GALNTL6: variants seen among roughly 807,000 people sequenced by gnomAD.
GALNTL6 encodes the protein polypeptide N-acetylgalactosaminyltransferase like 6.
A neutral mutation model predicts 73.7 loss-of-function variants in GALNTL6; 46 were observed. That is an observed-to-expected ratio of 0.62 (90% CI 0.49 to 0.80). GALNTL6 has a LOEUF of 0.80. Among genes scored for constraint, GALNTL6 ranks in the 30% least tolerant of loss-of-function variants. The pLI is 0.00. For synonymous variants in GALNTL6, 259 were observed against 263.7 expected, an observed-to-expected ratio of 0.98 and a Z score of 0.17; for missense variants, 604 against 755.0, an observed-to-expected ratio of 0.80 and a Z score of 2.34.
chr4:172,775,640 T>C (rs992589544), intron 5 of GALNTL6, among the ~76,000 whole-genome samples: 2 of 152,194 alleles, frequency 1.3e-5, no homozygotes, highest in Non-Finnish European at 2.9e-5. Flanking sequence ...AACCATAGGA[T>C]GACTCCCCAA....
intron 5 of GALNTL6, among the ~76,000 whole-genome samples, chr4:172,549,757 T>G (rs1735890698): frequency 6.6e-6 from 1 of 152,198 alleles, no homozygotes; most frequent in Non-Finnish European, 1.5e-5. Context: ...GTAATTGGGC[T>G]AAAAAACAAA....
chr4:171,905,213 A>G (rs1295699730), intron 2 of GALNTL6, among the ~76,000 whole-genome samples: 2 of 151,674 alleles, frequency 1.3e-5, no homozygotes, highest in African/African-American at 4.8e-5. Context: ...TTGGATAAAG[A>G]GTCAAGACCC....
chr4:172,311,859 T>A, intron 4 of GALNTL6, 107 bp downstream of exon 4: 1 of 750,858 alleles, frequency 1.3e-6, no homozygotes, highest in Non-Finnish European at 2.0e-6. Context: ...AAATATTTTA[T>A]CCTAATAATT....
chr4:172,052,119 G>A (rs763927461), intron 2 of GALNTL6, among the ~76,000 whole-genome samples: 1 of 152,092 alleles, frequency 6.6e-6, no homozygotes, highest in Non-Finnish European at 1.5e-5. Flanking sequence ...TGACTGCTGA[G>A]ATATTAAAAA....
At chr4:172,177,725 GTA>G (rs571502567) in intron 2 of GALNTL6, among the ~76,000 whole-genome samples, 79 of 94,850 alleles carry the variant, frequency 8.3e-4, no homozygotes, top group Admixed American at 4.0e-3. Flanking sequence ...TAGTATGTGT[GTA>G]TATATATATA....
chr4:172,315,266 T>C (rs1473415024), intron 4 of GALNTL6, among the ~76,000 whole-genome samples: 4 of 152,216 alleles, frequency 2.6e-5, no homozygotes, highest in Non-Finnish European at 5.9e-5. Context: ...GTTGATTTTA[T>C]TTATTTATTT....
rs35246163 is a variant in GALNTL6 at position 172,582,747 on chromosome 4, G to GACACAC, written c.554-226587_554-226582dup. On this transcript the variant is annotated intron_variant, in intron 5 of 12. Transcript: ENST00000506823. ...CTCATTGGGAAATCACACACACACA[G>GACACAC]ACACACACACACACACACACACACA... 9.8e-5 allele frequency among the ~76,000 whole-genome samples: 14 copies of GACACAC among 142,836 alleles called. No individual in the cohort carries two copies. In the East Asian group the frequency reaches 1.3e-3, roughly 13 times the overall value. 93.7% of individuals were successfully genotyped at this position (142,836 alleles called of 152,430 possible). A position where few individuals can be genotyped will look rare whatever the true frequency, so the allele number is the denominator to read the frequency against.
At chr4:173,031,080 C>G (rs1009224211) in intron 12 of GALNTL6, among the ~76,000 whole-genome samples, 4 of 152,054 alleles carry the variant, frequency 2.6e-5, no homozygotes, top group Non-Finnish European at 5.9e-5. Context: ...TAGTCACTGG[C>G]CCCACTGTGG....
intron 10 of GALNTL6, among the ~76,000 whole-genome samples, chr4:173,001,429 AG>A (rs1256493591): frequency 6.6e-6 from 1 of 152,074 alleles, no homozygotes; most frequent in Admixed American, 6.5e-5. Flanking sequence ...AATAAAACAT[AG>A]GGGAAAATCT....
In GALNTL6 at chr4:171,956,142, C is replaced by T. The variant is rs558346638; in HGVS notation, c.138+141424C>T. On this transcript the variant is annotated intron_variant, in intron 2 of 12. Coordinates refer to ENST00000506823, the MANE Select transcript of GALNTL6 (RefSeq NM_001034845.3). ...CACAGTCTCCAGAGTAGCGGGACTA[C>T]AGGCATGCGCCACCACACCTGGCTA... Among the ~76,000 whole-genome samples, 22 of 151,940 alleles carry T rather than the reference C, an allele frequency of 1.4e-4. No homozygotes were observed. In the East Asian group the frequency reaches 3.1e-3, roughly 21 times the overall value.
intron 3 of GALNTL6, chr4:172,266,470 A>G (rs530678366): frequency 6.6e-6 from 1 of 152,262 alleles, no homozygotes; most frequent in African/African-American, 2.4e-5. Flanking sequence ...CAGCAACTTA[A>G]AAATTGGTTA....
chr4:172,346,536 T>G (rs938475961), intron 4 of GALNTL6, among the ~76,000 whole-genome samples: 2 of 152,006 alleles, frequency 1.3e-5, no homozygotes, highest in Non-Finnish European at 2.9e-5. Flanking sequence ...TTCTACAACA[T>G]TTTCCAAATT....
At chr4:172,292,336 T>C (rs1289267381) in intron 3 of GALNTL6, among the ~76,000 whole-genome samples, 1 of 151,982 alleles carries the variant, frequency 6.6e-6, no homozygotes, top group Non-Finnish European at 1.5e-5. Flanking sequence ...AAAAGAAAAT[T>C]ATTGAAGGCA....
rs550786394 is a variant in GALNTL6, at chr4:172,350,753, C to T, written c.553+2064C>T. ...TTTAAATTATATAAACTAGGAAAGA[C>T]TCTTTTTCCAAATTTTTGCTTTGGA... On this transcript the variant is annotated intron_variant, in intron 5 of 12. Transcript: ENST00000506823. Among the ~76,000 whole-genome samples, 3 of 152,166 alleles carry T rather than the reference C, an allele frequency of 2.0e-5. No individual in the cohort carries two copies. The East Asian group carries it at 5.8e-4, about 29-fold the overall frequency.
chr4:173,030,229 T>C (rs951519824), intron 12 of GALNTL6, among the ~76,000 whole-genome samples: 61 of 152,234 alleles, frequency 4.0e-4, no homozygotes, highest in African/African-American at 1.4e-3. Flanking sequence ...CAAAGAAGAA[T>C]TAGGCTAACT....
chr4:172,072,318 G>C (rs1579109742), intron 2 of GALNTL6, among the ~76,000 whole-genome samples: 1 of 151,816 alleles, frequency 6.6e-6, no homozygotes, highest in African/African-American at 2.4e-5. Flanking sequence ...CAAATTTTTA[G>C]TGACTAAGGT....
At chr4:172,541,584 TAGGCAACTTGAGAGGCCAAGTA>T (rs1432734881) in intron 5 of GALNTL6, among the ~76,000 whole-genome samples, 3 of 152,164 alleles carry the variant, frequency 2.0e-5, no homozygotes, top group African/African-American at 7.2e-5. Flanking sequence ...GAGGGCTGAG[TAGGCAACTTGAGAGGCCAAGTA>T]AGGCAACTTG....
chr4:171,865,623 A>G (rs1449964036), intron 2 of GALNTL6, among the ~76,000 whole-genome samples: 6 of 152,240 alleles, frequency 3.9e-5, no homozygotes, highest in African/African-American at 1.2e-4. Context: ...AATGAAACAA[A>G]GCAGAAATGG....
intron 12 of GALNTL6, among the ~76,000 whole-genome samples, chr4:173,035,597 T>A (rs1431326219): frequency 1.3e-5 from 2 of 152,220 alleles, no homozygotes; most frequent in Non-Finnish European, 2.9e-5. Flanking sequence ...AGTCACTTCA[T>A]AAATATTTGT....
Sources: gnomAD v4.1 joint callset for allele counts (sites outside exome capture counted in the v4.1 genomes callset) on GRCh38, gnomAD v4.1.1 for gene constraint, MANE v1.5 for transcripts, NCBI Gene and HGNC (gene_info 2026-07-23, HGNC 2026-07-21) for gene names.